Variants in NKAIN2 observed in about 807,000 individuals in gnomAD.
NKAIN2 encodes sodium/potassium-transporting ATPase subunit beta-1-interacting protein 2.
A neutral mutation model predicts 32.6 loss-of-function variants in NKAIN2; 14 were observed. The observed-to-expected ratio is 0.43, with a 90% CI of 0.28 to 0.67. The LOEUF (loss-of-function observed/expected upper bound fraction) is 0.67, where lower values mean the gene tolerates loss of function less well. Ranked by LOEUF, NKAIN2 falls within the 30% of genes least tolerant of loss-of-function variation. The pLI is 0.17. For synonymous variants in NKAIN2, 80 were observed against 87.2 expected (o/e 0.92, Z 0.46); for missense variants, 198 against 258.3 (o/e 0.77, Z 1.60).
chr6:124,194,561 C>G (rs1278144981), intron 1 of NKAIN2, among the ~76,000 whole-genome samples: 1 of 151,806 alleles, frequency 6.6e-6, no homozygotes, highest in Non-Finnish European at 1.5e-5. Flanking sequence ...TTTTTCTTCT[C>G]TTGCCTACTT....
intron 5 of NKAIN2, among the ~76,000 whole-genome samples, chr6:124,812,637 T>G (rs898465293): frequency 6.6e-6 from 1 of 152,124 alleles, no homozygotes; most frequent in African/African-American, 2.4e-5. Flanking sequence ...TAGAGTTACA[T>G]TTCCCTTTTC....
chr6:123,970,805 C>T (rs571594754), intron 1 of NKAIN2, among the ~76,000 whole-genome samples: 25 of 152,020 alleles, frequency 1.6e-4, no homozygotes, highest in African/African-American at 4.8e-4. Flanking sequence ...TTGCTTGAAC[C>T]CAGGAGGCGG....
intron 1 of NKAIN2, among the ~76,000 whole-genome samples, chr6:124,062,263 A>G (rs948210834): frequency 1.3e-5 from 2 of 152,210 alleles, no homozygotes; most frequent in African/African-American, 4.8e-5. Flanking sequence ...TGATGGAAAT[A>G]CCATTTATTG....
In NKAIN2 at chr6:124,824,631, T is replaced by C. The variant is rs771559566; in HGVS notation, c.*1402T>C. Reference sequence around the variant, plus strand: ...GTGGAAAACATAATTAGCTCAGGCTTATCAGGAACTCAGATGAGTCATATT... The same window carrying C: ...GTGGAAAACATAATTAGCTCAGGCTCATCAGGAACTCAGATGAGTCATATT... On this transcript the variant is annotated 3_prime_UTR_variant, in exon 7 of 7. Coordinates refer to ENST00000368417, the MANE Select transcript of NKAIN2 (RefSeq NM_001040214.3). The C allele has an allele frequency of 6.6e-6, 1 of 152,226 alleles. No individual in the cohort carries two copies. Among genetic ancestry groups the C allele is most frequent in the Non-Finnish European group, 1.5e-5 (1 of 68,044 alleles). The allele number at this position is 152,226 out of a possible 1,614,324, so 9.4% of individuals were successfully genotyped here.
At chr6:124,317,257 G>T (rs1201846610) in intron 2 of NKAIN2, among the ~76,000 whole-genome samples, 1 of 152,054 alleles carries the variant, frequency 6.6e-6, no homozygotes, top group African/African-American at 2.4e-5. Context: ...CCTGGACTGT[G>T]GTCTTTTCTC....
intron 4 of NKAIN2, among the ~76,000 whole-genome samples, chr6:124,781,479 A>T (rs1433165193): frequency 2.0e-5 from 3 of 152,098 alleles, no homozygotes; most frequent in Admixed American, 6.6e-5. Context: ...TGTTACCAGG[A>T]TGTGAGGGGT....
At chr6:123,824,765 TC>T (rs1774076456) in intron 1 of NKAIN2, among the ~76,000 whole-genome samples, 1 of 151,760 alleles carries the variant, frequency 6.6e-6, no homozygotes, top group South Asian at 2.1e-4. Flanking sequence ...ACAATTACTA[TC>T]CCATTATCCA....
chr6:123,818,324 ACT>A (rs1436866910), intron 1 of NKAIN2, among the ~76,000 whole-genome samples: 2 of 150,372 alleles, frequency 1.3e-5, no homozygotes, highest in South Asian at 2.1e-4. Flanking sequence ...TATTTTTTAG[ACT>A]CTAACAAATT....
At chr6:123,895,858 C>G (rs147538010) in intron 1 of NKAIN2, among the ~76,000 whole-genome samples, 1 of 152,030 alleles carries the variant, frequency 6.6e-6, no homozygotes, top group South Asian at 2.1e-4. Context: ...GTTGATGAAT[C>G]GCTATAACAT....
At chr6:124,112,094 A>C (rs1370397783) in intron 1 of NKAIN2, among the ~76,000 whole-genome samples, 1 of 152,062 alleles carries the variant, frequency 6.6e-6, no homozygotes, top group Non-Finnish European at 1.5e-5. Flanking sequence ...TGTTTTACCC[A>C]CCACCATTAC....
intron 1 of NKAIN2, among the ~76,000 whole-genome samples, chr6:124,208,529 A>G (rs1247482866): frequency 1.3e-5 from 2 of 151,730 alleles, no homozygotes; most frequent in Non-Finnish European, 2.9e-5. Flanking sequence ...AATATATGTA[A>G]AAGTTAAAAA....
intron 3 of NKAIN2, among the ~76,000 whole-genome samples, chr6:124,541,688 T>C (rs2114845825): frequency 6.6e-6 from 1 of 152,266 alleles, no homozygotes; most frequent in East Asian, 1.9e-4. Context: ...CACCAATATT[T>C]TCTGTCAATC....
intron 4 of NKAIN2, among the ~76,000 whole-genome samples, chr6:124,695,643 G>T (rs1346683394): frequency 6.6e-6 from 1 of 152,156 alleles, no homozygotes; most frequent in Non-Finnish European, 1.5e-5. Flanking sequence ...GACTTGAAAG[G>T]ACATTTATTT....
intron 1 of NKAIN2, among the ~76,000 whole-genome samples, chr6:124,232,234 G>T (rs866220415): frequency 5.3e-5 from 8 of 152,076 alleles, no homozygotes; most frequent in Non-Finnish European, 1.2e-4. Flanking sequence ...AGACTTCACT[G>T]GGCAAATAGT....
intron 1 of NKAIN2, among the ~76,000 whole-genome samples, chr6:123,917,383 A>G (rs1775550763): frequency 6.6e-6 from 1 of 152,166 alleles, no homozygotes; most frequent in Non-Finnish European, 1.5e-5. Flanking sequence ...TGTCAAGAAC[A>G]CTACCTTGAA....
chr6:123,975,018 T>TCC (rs1338467841), intron 1 of NKAIN2, among the ~76,000 whole-genome samples: 2 of 152,198 alleles, frequency 1.3e-5, no homozygotes, highest in African/African-American at 4.8e-5. Flanking sequence ...TTCCTCATTT[T>TCC]AGCGTATGTT....
intron 4 of NKAIN2, among the ~76,000 whole-genome samples, chr6:124,699,758 C>T (rs1274384087): frequency 6.6e-6 from 1 of 152,096 alleles, no homozygotes; most frequent in African/African-American, 2.4e-5. Context: ...CCTGCAGAGT[C>T]GTGAGCCAAT....
intron 1 of NKAIN2, among the ~76,000 whole-genome samples, chr6:124,132,618 T>C (rs770063813): frequency 1.5e-4 from 23 of 152,244 alleles, no homozygotes; most frequent in Non-Finnish European, 3.1e-4. Context: ...TCTGTCCATG[T>C]GAAAACTTCA....
At chr6:124,228,410 T>C (rs1237299892) in intron 1 of NKAIN2, among the ~76,000 whole-genome samples, 1 of 152,178 alleles carries the variant, frequency 6.6e-6, no homozygotes, top group African/African-American at 2.4e-5. Flanking sequence ...ACTTTCAGCC[T>C]CTGGAACTGT....
Sources: gnomAD v4.1 joint callset for allele counts (sites outside exome capture counted in the v4.1 genomes callset) on GRCh38, gnomAD v4.1.1 for gene constraint, MANE v1.5 for transcripts, NCBI Gene and HGNC (gene_info 2026-07-23, HGNC 2026-07-21) for gene names.